PLXNB3: variants seen among roughly 807,000 people sequenced by gnomAD.
The protein encoded by PLXNB3 is plexin-B3.
In PLXNB3, 80 loss-of-function variants were observed where a neutral mutation model predicts 125.7. The ratio of observed to expected loss-of-function variants is 0.64; its 90% CI spans 0.53 to 0.77. The LOEUF is 0.77. Ranked by LOEUF, PLXNB3 falls within the 30% of genes least tolerant of loss-of-function variation. The probability of loss-of-function intolerance (pLI) is 0.00; values close to 1 mark genes in which losing one functional copy is unlikely to be tolerated. For synonymous variants in PLXNB3, 954 were observed against 783.3 expected (o/e 1.22, Z -3.64); for missense variants, 1,836 against 1,729.3 (o/e 1.06, Z -1.09).
In PLXNB3 at chrX:153,775,341, G is replaced by A; in HGVS notation, c.4272G>A (p.Arg1424=). 2 of 1,210,517 alleles carry A rather than the reference G, an allele frequency of 1.7e-6. No homozygotes were observed. The highest frequency in any genetic ancestry group is 2.2e-6 in the Non-Finnish European group (2 of 895,083). ...TGGAGTACCTGACGGACATCATGAGGACCCTGCTGGGTGACCTGGCGGCCC... is the reference window on the plus strand; with the variant it reads ...TGGAGTACCTGACGGACATCATGAGAACCCTGCTGGGTGACCTGGCGGCCC... ...GKLEYLTDIM[R]TLLGDLAAHY... Residue 1424 remains arginine, a synonymous_variant, in exon 25 of 36, where the codon AGG becomes AGA. Transcript: ENST00000361971.
At chrX:153,765,038 C>T (rs1258215898) in intron 1 of PLXNB3, among the ~76,000 whole-genome samples, 2 of 113,198 alleles carry the variant, frequency 1.8e-5, no homozygotes, top group Non-Finnish European at 3.8e-5. Context: ...CCCAAGGCTA[C>T]CAGCCGGCAT....
intron 15 of PLXNB3, 72 bp from the exon 16 acceptor site, chrX:153,772,110 C>T (rs1255394085): frequency 9.1e-6 from 8 of 877,063 alleles, no homozygotes; most frequent in South Asian, 8.9e-5. Context: ...CTGGGGCACT[C>T]GGGTCAGGGG....
intron 2 of PLXNB3, chrX:153,766,605 G>A (rs782229531): frequency 4.4e-5 from 47 of 1,058,266 alleles, no homozygotes; most frequent in Non-Finnish European, 5.6e-5. Flanking sequence ...AAAGAATTCT[G>A]TCCTTGTGTG....
Position 153,775,514 on chromosome X carries a change from C to T in PLXNB3, c.4335-80C>T, listed in dbSNP as rs1311119931. The stretch of plus-strand genomic sequence containing the variant: ...GGCGGGTGGGGCCAGGAAGCCCCAG[C>T]AGGTGGGGGGAAGGAAAGTGAGATG... On this transcript the variant is annotated intron_variant, in intron 25 of 35. Transcript: ENST00000361971. The T allele has an allele frequency of 3.5e-6, 4 of 1,148,569 alleles. No homozygotes were observed. The African/African-American group carries it at 7.1e-5, about 20-fold the overall frequency. 94.7% of individuals were successfully genotyped at this position (1,148,569 alleles called of 1,213,427 possible).
In PLXNB3 at chrX:153,779,064, C is replaced by T. The variant is rs782709631; in HGVS notation, c.*25C>T. Reference sequence around the variant, plus strand: ...AGCTCTGGCTCAGACAGCAGCAAGCCGGATCCACCAACACCGCAGCGCCTT... The same window carrying T: ...AGCTCTGGCTCAGACAGCAGCAAGCTGGATCCACCAACACCGCAGCGCCTT... On this transcript the variant is annotated 3_prime_UTR_variant, in exon 36 of 36. Transcript: ENST00000361971. 9.4e-6 allele frequency: 10 copies of T among 1,067,414 alleles called. No individual in the cohort carries two copies. The highest frequency in any genetic ancestry group is 8.7e-5 in the South Asian group (4 of 45,897). 88.0% of individuals were successfully genotyped at this position (1,067,414 alleles called of 1,213,427 possible).
At chrX:153,766,340 C>A in intron 2 of PLXNB3, 1 of 1,142,070 alleles carries the variant, frequency 8.8e-7, no homozygotes, top group Non-Finnish European at 1.2e-6. Context: ...TTTTCTCTCC[C>A]TGTCTGGTCC....
chrX:153,776,513 G>A (rs1415547590), intron 28 of PLXNB3, 54 bp downstream of exon 28: 1 of 228,899 alleles, frequency 4.4e-6, no homozygotes, highest in East Asian at 1.0e-4. Context: ...GCAGGGCGAG[G>A]CAGGGCAGGG....
In PLXNB3 at chrX:153,767,776, T is replaced by C; in HGVS notation, c.949T>C (p.Phe317Leu). The C allele has an allele frequency of 8.5e-7, 1 of 1,171,417 alleles. No individual in the cohort carries two copies. The highest frequency in any genetic ancestry group is 1.9e-5 in the South Asian group (1 of 52,950). ...PRGTQAALCA[F>L]PMVELGASME... The stretch of plus-strand genomic sequence containing the variant: ...GGGCACCCAGGCGGCGCTCTGTGCC[T>C]TCCCCATGGTGGAGCTGGGTGCCAG... The change falls in exon 3 of 36, where the codon TTC becomes CTC. Residue 317 changes from phenylalanine to leucine, a missense_variant. Coordinates refer to ENST00000361971, the MANE Select transcript of PLXNB3 (RefSeq NM_005393.3).
Position 153,770,755 on chromosome X carries a change from C to A in PLXNB3, c.2011-3C>A. 1 of 1,204,471 alleles carries A rather than the reference C, an allele frequency of 8.3e-7. No homozygotes were observed. Among genetic ancestry groups the A allele is most frequent in the Non-Finnish European group, 1.1e-6 (1 of 890,371 alleles). On this transcript the variant is annotated splice_region_variant and splice_polypyrimidine_tract_variant and intron_variant, in intron 10 of 35. Coordinates refer to ENST00000361971, the MANE Select transcript of PLXNB3 (RefSeq NM_005393.3). ...GAAGGGCTGAGGGCTCTTGTTTTCC[C>A]AGGTGGACATCCAGGTGCGTGGCCC...
chrX:153,770,938 C>T (rs188142810), intron 11 of PLXNB3, 27 bp from the exon 12 acceptor site: 8 of 1,206,419 alleles, frequency 6.6e-6, no homozygotes, highest in Non-Finnish European at 9.0e-6. Flanking sequence ...ACAGCGTGTC[C>T]ACACTCCTGA....
At chrX:153,766,369 C>T in intron 2 of PLXNB3, 1 of 1,114,575 alleles carries the variant, frequency 9.0e-7, no homozygotes, top group Non-Finnish European at 1.2e-6. Flanking sequence ...ACACGGTGGC[C>T]TCACTCCTCT....
chrX:153,765,443 G>C (rs782800196), intron 1 of PLXNB3, 28 bp from the exon 2 acceptor site: 1 of 1,084,468 alleles, frequency 9.2e-7, no homozygotes, highest in East Asian at 3.3e-5. Context: ...GAATGGGGCT[G>C]AGCCTCGACT....
chrX:153,766,943 T>A lies in PLXNB3; in HGVS notation c.116T>A (p.Leu39Gln). Residue 39 changes from leucine (L) to glutamine (Q), a missense_variant, in exon 3 of 36, where the codon CTG becomes CAG. Coordinates refer to ENST00000361971, the MANE Select transcript of PLXNB3 (RefSeq NM_005393.3). ...LLLLLLSPPP[L>Q]PLTGAHRFSA... ...CTGCTGCTGCTGTCCCCACCGCCACTGCCCTTGACAGGGGCCCATCGCTTC... is the reference window on the plus strand; with the variant it reads ...CTGCTGCTGCTGTCCCCACCGCCACAGCCCTTGACAGGGGCCCATCGCTTC... 8.3e-7 allele frequency: 1 copy of A among 1,210,539 alleles called. No individual in the cohort carries two copies. The highest frequency in any genetic ancestry group is 1.1e-6 in the Non-Finnish European group (1 of 895,436).
At chrX:153,766,582 A>G (rs1397570568) in intron 2 of PLXNB3, 1 of 1,041,345 alleles carries the variant, frequency 9.6e-7, no homozygotes. Context: ...ACATGCATAT[A>G]AAGTAGGAGA....
In PLXNB3 at chrX:153,771,477, C is replaced by T. The variant is rs367885212; in HGVS notation, c.2348-9C>T. 2.8e-5 allele frequency: 34 copies of T among 1,206,083 alleles called. No homozygotes were observed. The highest frequency in any genetic ancestry group is 3.6e-5 in the Non-Finnish European group (32 of 892,963). ...GGAGGCGCTCAGCACACTGCCTGAC[C>T]CTCCCTAGTGATCCTGTACGACTGC... On this transcript the variant is annotated splice_polypyrimidine_tract_variant and intron_variant, in intron 13 of 35. Coordinates refer to ENST00000361971, the MANE Select transcript of PLXNB3 (RefSeq NM_005393.3).
In PLXNB3 at chrX:153,767,294, A is replaced by G; in HGVS notation, c.467A>G (p.Glu156Gly). The change falls in exon 3 of 36, where the codon GAG (glutamate) becomes GGG (glycine). Residue 156 changes from glutamate to glycine, a missense_variant. Glu to Gly is a moderately conservative substitution (Grantham distance 98). Coordinates refer to ENST00000361971, the MANE Select transcript of PLXNB3 (RefSeq NM_005393.3). ...GTGGCCGAGGTGCTGTACCAGGCTG[A>G]GGACCCTGGTGACGGGCAGTTTGTG... ...GDVAEVLYQA[E>G]DPGDGQFVAA... 1 of 1,206,389 alleles carries G rather than the reference A, an allele frequency of 8.3e-7. No homozygotes were observed. Among genetic ancestry groups the G allele is most frequent in the African/African-American group, 1.7e-5 (1 of 57,923 alleles).
At position 153,774,690 on chromosome X, in the gene PLXNB3, T is replaced by C. The variant is rs201975474; in HGVS notation, c.3831-16T>C. The C allele has an allele frequency of 2.5e-5, 29 of 1,152,939 alleles. No homozygotes were observed. The highest frequency in any genetic ancestry group is 2.4e-4 in the Middle Eastern group (1 of 4,101). Reference sequence around the variant, plus strand: ...TGGCCCCGGCCCTGGCTGATGAAGCTGGCCCCGGGCTGCAGGCACAAGAGC... The same window carrying C: ...TGGCCCCGGCCCTGGCTGATGAAGCCGGCCCCGGGCTGCAGGCACAAGAGC... On this transcript the variant is annotated splice_polypyrimidine_tract_variant and intron_variant, in intron 22 of 35. Coordinates refer to ENST00000361971, the MANE Select transcript of PLXNB3 (RefSeq NM_005393.3).
chrX:153,768,824 C>G lies in PLXNB3; in HGVS notation c.1267-124C>G, dbSNP rs191685472. The G allele has an allele frequency of 4.1e-4, 336 of 822,944 alleles. 4 individuals carry two copies. The East Asian group carries it at 9.1e-3, about 22-fold the overall frequency. 67.8% of individuals were successfully genotyped at this position (822,944 alleles called of 1,213,427 possible). The stretch of plus-strand genomic sequence containing the variant: ...GAGTGGGGGAAGTGATGTGTCCTCC[C>G]TCGATGGCCCGGCAGGAAGGGGAAC... On this transcript the variant is annotated intron_variant, in intron 4 of 35. Coordinates refer to ENST00000361971, the MANE Select transcript of PLXNB3 (RefSeq NM_005393.3).
chrX:153,778,202 T>C, intron 32 of PLXNB3, 59 bp from the exon 33 acceptor site: 2 of 1,194,741 alleles, frequency 1.7e-6, no homozygotes, highest in Non-Finnish European at 2.3e-6. Context: ...AGTGGCAGCA[T>C]CATGGGGGCA....
Sources: allele counts gnomAD v4.1 joint callset (sites outside exome capture counted in the v4.1 genomes callset), GRCh38; gene constraint gnomAD v4.1.1; transcripts MANE v1.5; gene names NCBI Gene and HGNC (gene_info 2026-07-23, HGNC 2026-07-21).